Variants in WDR49 observed in about 807,000 individuals in gnomAD.
WDR49 encodes WD repeat domain 49, also known as cilia- and flagella-associated protein 337.
Under a neutral mutation model 119.5 loss-of-function variants are expected in WDR49, and 107 were observed. That is an observed-to-expected ratio of 0.90 (90% CI 0.77 to 1.05). WDR49 has a LOEUF of 1.05. Ranked by LOEUF, WDR49 falls within the 50% of genes least tolerant of loss-of-function variation. The pLI, the probability that WDR49 is intolerant of heterozygous loss-of-function variation, is 0.00. For missense variants in WDR49, 1,240 were observed against 1,220.5 expected (o/e 1.02, Z -0.24); for synonymous variants, 425 against 418.8 (o/e 1.01, Z -0.18).
At chr3:167,578,155 CA>C (rs1714345260) in intron 7 of WDR49, among the ~76,000 whole-genome samples, 2 of 152,112 alleles carry the variant, frequency 1.3e-5, no homozygotes, top group Non-Finnish European at 2.9e-5. Context: ...ATTTCAATAT[CA>C]GTTTTCAGAT....
intron 18 of WDR49, among the ~76,000 whole-genome samples, chr3:167,491,759 G>T (rs748040874): frequency 2.7e-4 from 41 of 152,122 alleles, no homozygotes; most frequent in Admixed American, 1.2e-3. Flanking sequence ...TAGCTTCCAG[G>T]ATTTTGAATA....
chr3:167,575,369 C>T (rs1352465998), intron 8 of WDR49: 2 of 862,452 alleles, frequency 2.3e-6, no homozygotes, highest in East Asian at 1.2e-4. Flanking sequence ...TAAGCCAAGG[C>T]TGCGGAGCGT....
chr3:167,501,978 A>T (rs1267280767), intron 17 of WDR49, among the ~76,000 whole-genome samples: 1 of 152,136 alleles, frequency 6.6e-6, no homozygotes, highest in East Asian at 1.9e-4. Flanking sequence ...TCTGAATCTC[A>T]TGTGGAATTG....
intron 18 of WDR49, among the ~76,000 whole-genome samples, chr3:167,498,565 G>T (rs1057488262): frequency 4.6e-5 from 7 of 152,084 alleles, no homozygotes; most frequent in Non-Finnish European, 8.8e-5. Flanking sequence ...TGTGCTCTGG[G>T]GGAGGTGATG....
At chr3:167,500,057 C>G in intron 18 of WDR49, 96 bp downstream of exon 18, 5 of 1,351,246 alleles carry the variant, frequency 3.7e-6, no homozygotes, top group Non-Finnish European at 4.9e-6. Flanking sequence ...AACTACAAGA[C>G]AAACACTTGT....
At chr3:167,534,722 TC>T (rs1560273256) in intron 11 of WDR49, among the ~76,000 whole-genome samples, 1 of 152,166 alleles carries the variant, frequency 6.6e-6, no homozygotes, top group Non-Finnish European at 1.5e-5. Flanking sequence ...GCAATCTGTC[TC>T]TATAAATTGC....
intron 5 of WDR49, among the ~76,000 whole-genome samples, chr3:167,608,950 G>A (rs967889761): frequency 3.3e-5 from 5 of 152,116 alleles, no homozygotes; most frequent in Non-Finnish European, 7.4e-5. Flanking sequence ...CCCTGCCATC[G>A]ATCTTTGTCC....
intron 18 of WDR49, among the ~76,000 whole-genome samples, chr3:167,479,217 A>C (rs1449802118): frequency 6.6e-6 from 1 of 152,134 alleles, no homozygotes; most frequent in East Asian, 1.9e-4. Flanking sequence ...CTTTTAATGC[A>C]TATATCTTAA....
intron 10 of WDR49, among the ~76,000 whole-genome samples, chr3:167,549,152 T>C (rs1027229137): frequency 1.3e-5 from 2 of 152,208 alleles, no homozygotes; most frequent in Non-Finnish European, 2.9e-5. Flanking sequence ...ACAATAAACA[T>C]ACGTGCGCAT....
chr3:167,488,207 G>A (rs1192122903), intron 18 of WDR49, among the ~76,000 whole-genome samples: 2 of 144,734 alleles, frequency 1.4e-5, no homozygotes, highest in Admixed American at 1.4e-4. Flanking sequence ...GGAATACTAT[G>A]CAACCATAAA....
chr3:167,574,247 C>T (rs1387572205), intron 8 of WDR49, among the ~76,000 whole-genome samples: 1 of 152,174 alleles, frequency 6.6e-6, no homozygotes, highest in African/African-American at 2.4e-5. Flanking sequence ...AGTTTATTAT[C>T]TCTAATTCTT....
At chr3:167,515,666 C>A (rs890210427) in intron 16 of WDR49, among the ~76,000 whole-genome samples, 1 of 152,006 alleles carries the variant, frequency 6.6e-6, no homozygotes, top group Non-Finnish European at 1.5e-5. Context: ...AGAAATAAAG[C>A]GTATTCAAAT....
intron 7 of WDR49, among the ~76,000 whole-genome samples, chr3:167,595,089 G>A (rs1715342046): frequency 1.3e-5 from 2 of 150,988 alleles, no homozygotes; most frequent in Non-Finnish European, 3.0e-5. Flanking sequence ...CAAACAGAGA[G>A]CCAAATCATG....
chr3:167,530,009 T>G (rs960283241), intron 13 of WDR49, among the ~76,000 whole-genome samples: 3 of 152,068 alleles, frequency 2.0e-5, no homozygotes, highest in Admixed American at 1.3e-4. Flanking sequence ...GAGAACAATC[T>G]GGGAATACTG....
chr3:167,546,693 A>G (rs1712224574), intron 10 of WDR49, among the ~76,000 whole-genome samples: 1 of 134,858 alleles, frequency 7.4e-6, no homozygotes, highest in Non-Finnish European at 1.5e-5. Flanking sequence ...GTCAAGTGCA[A>G]AAAAAAAAAA....
intron 9 of WDR49, 152 bp downstream of exon 9, chr3:167,559,912 T>C (rs1017766337): frequency 1.5e-6 from 1 of 677,968 alleles, no homozygotes; most frequent in African/African-American, 1.8e-5. Context: ...GCAGCTTTAT[T>C]AGATGGTTGG....
chr3:167,512,517 A>C (rs1156690544), intron 16 of WDR49, among the ~76,000 whole-genome samples: 1 of 152,196 alleles, frequency 6.6e-6, no homozygotes, highest in Non-Finnish European at 1.5e-5. Context: ...AATCCACACA[A>C]AAACACTGAA....
intron 5 of WDR49, among the ~76,000 whole-genome samples, chr3:167,617,352 C>T (rs149269965): frequency 2.4e-3 from 372 of 152,210 alleles, no homozygotes; most frequent in African/African-American, 8.4e-3. Context: ...CATGGTGAAA[C>T]CCTGTCTCTA....
At chr3:167,535,573 C>T (rs1305578864) in intron 11 of WDR49, among the ~76,000 whole-genome samples, 2 of 152,022 alleles carry the variant, frequency 1.3e-5, no homozygotes, top group Non-Finnish European at 2.9e-5. Context: ...GTCAGAATGG[C>T]TCCTATCAAA....
Sources: allele counts gnomAD v4.1 joint callset (sites outside exome capture counted in the v4.1 genomes callset), GRCh38; gene constraint gnomAD v4.1.1; transcripts MANE v1.5; gene names NCBI Gene and HGNC (gene_info 2026-07-23, HGNC 2026-07-21).